SYTL3: variants seen among roughly 807,000 people sequenced by gnomAD.
SYTL3 encodes synaptotagmin-like protein 3.
Under a neutral mutation model 82.1 loss-of-function variants are expected in SYTL3, and 88 were observed. The observed-to-expected ratio is 1.07, with a 90% CI of 0.90 to 1.28. The LOEUF (loss-of-function observed/expected upper bound fraction) is 1.28, where lower values mean the gene tolerates loss of function less well. SYTL3 is among the 50% of genes most tolerant of loss of function. SYTL3 has a pLI of 0.00. For missense variants in SYTL3, 831 were observed against 757.6 expected (o/e 1.10, Z -1.14); for synonymous variants, 311 against 289.4 (o/e 1.07, Z -0.76).
rs55657606 is a variant in SYTL3 at position 158,727,689 on chromosome 6, C to CTTTTT, written c.855+2060_855+2064dup. On this transcript the variant is annotated intron_variant, in intron 11 of 17. Transcript: ENST00000611299. The stretch of plus-strand genomic sequence containing the variant: ...CATGTGCGTGTCTCATCCAAGTACT[C>CTTTTT]TTTTTTTTTTTTGAGATGAAGTCTC... Among the ~76,000 whole-genome samples the CTTTTT allele has an allele frequency of 1.6e-4, 17 of 106,712 alleles. 2 individuals carry two copies. The South Asian group carries it at 2.3e-3, about 14-fold the overall frequency. 70.0% of individuals were successfully genotyped at this position (106,712 alleles called of 152,430 possible).
rs751441226 is a variant in SYTL3 at position 158,665,606 on chromosome 6, G to A, written c.322G>A (p.Glu108Lys). Residue 108 changes from glutamate (E) to lysine (K), a missense_variant, in exon 5 of 18, where the codon GAG becomes AAG. Glu to Lys is a moderately conservative substitution (Grantham distance 56). Transcript: ENST00000611299. ...TGCCTGGAAGTGCACGGTGTGCTTC[G>A]AGGACAGGTAAGCATGGCCGGTGGT... Reference protein sequence around the residue: ...THAWKCTVCFEDRNVKIKTGE... With the variant: ...THAWKCTVCFKDRNVKIKTGE... 1.0e-5 allele frequency: 16 copies of A among 1,559,174 alleles called. No homozygotes were observed. The highest frequency in any genetic ancestry group is 2.3e-5 in the East Asian group (1 of 42,928).
chr6:158,722,328 AT>A (rs1279279707), intron 10 of SYTL3, among the ~76,000 whole-genome samples: 1 of 151,890 alleles, frequency 6.6e-6, no homozygotes, highest in African/African-American at 2.4e-5. Flanking sequence ...TGCCCAGCTA[AT>A]TTTTGTATTT....
intron 5 of SYTL3, among the ~76,000 whole-genome samples, chr6:158,668,354 A>G (rs1437180374): frequency 6.6e-6 from 1 of 152,070 alleles, no homozygotes; most frequent in African/African-American, 2.4e-5. Flanking sequence ...TCAGCCTCCC[A>G]AGTAGCTGGG....
intron 2 of SYTL3, among the ~76,000 whole-genome samples, chr6:158,654,017 A>G (rs1260557630): frequency 6.6e-6 from 1 of 151,888 alleles, no homozygotes; most frequent in Non-Finnish European, 1.5e-5. Flanking sequence ...TTCCCCTTTC[A>G]CCAGATTTAG....
rs941120099 is a variant in SYTL3, at chr6:158,763,963, C to T, written c.1723+454C>T. Among the ~76,000 whole-genome samples, 9 of 151,974 alleles carry T rather than the reference C, an allele frequency of 5.9e-5. No individual in the cohort carries two copies. In the South Asian group the frequency reaches 1.9e-3, roughly 31 times the overall value. The stretch of plus-strand genomic sequence containing the variant: ...CTGTGAGGTTCTGTGCCTGGCACTG[C>T]TTCTGGCTGCCAGCAGTGTCCCTGA... On this transcript the variant is annotated intron_variant, in intron 17 of 17. Coordinates refer to ENST00000611299, the MANE Select transcript of SYTL3 (RefSeq NM_001242394.2).
intron 6 of SYTL3, among the ~76,000 whole-genome samples, chr6:158,705,358 G>A (rs1781927137): frequency 7.3e-6 from 1 of 137,730 alleles, no homozygotes; most frequent in East Asian, 2.2e-4. Context: ...GGCCACATAG[G>A]GCAGGAGGGA....
chr6:158,654,194 G>T (rs1391305430), intron 2 of SYTL3, among the ~76,000 whole-genome samples: 1 of 152,176 alleles, frequency 6.6e-6, no homozygotes, highest in Non-Finnish European at 1.5e-5. Context: ...TGTGTGGAGT[G>T]ACTCTTGCCT....
In SYTL3 at chr6:158,725,587, C is replaced by A. The variant is rs1221674261; in HGVS notation, c.805C>A (p.Leu269Ile). 1 of 1,614,090 alleles carries A rather than the reference C, an allele frequency of 6.2e-7. No individual in the cohort carries two copies. Among genetic ancestry groups the A allele is most frequent in the South Asian group, 1.1e-5 (1 of 91,086 alleles). The change falls in exon 11 of 18, where the codon CTC becomes ATC. Residue 269 changes from leucine (L) to isoleucine (I), a missense_variant. Leu to Ile is a conservative substitution (Grantham distance 5). Transcript: ENST00000611299. ...STNPILKQQN[L>I]PSSPAPSTIF... Reference sequence around the variant, plus strand: ...TAACCCTATTTTGAAGCAACAGAATCTCCCATCCAGTCCGGCACCCAGTAC... The same window carrying A: ...TAACCCTATTTTGAAGCAACAGAATATCCCATCCAGTCCGGCACCCAGTAC...
intron 5 of SYTL3, among the ~76,000 whole-genome samples, chr6:158,674,015 T>A (rs974364450): frequency 3.3e-5 from 5 of 150,266 alleles, no homozygotes; most frequent in Non-Finnish European, 7.4e-5. Flanking sequence ...ACCTGAGAGT[T>A]GGAGGTTGCA....
chr6:158,742,491 A>G (rs894547948), intron 11 of SYTL3, among the ~76,000 whole-genome samples: 1 of 151,664 alleles, frequency 6.6e-6, no homozygotes, highest in African/African-American at 2.4e-5. Flanking sequence ...AGGTCTGGAT[A>G]TTTACCAAGC....
chr6:158,699,442 A>G (rs1780918368), intron 6 of SYTL3, among the ~76,000 whole-genome samples: 1 of 152,152 alleles, frequency 6.6e-6, no homozygotes, highest in Non-Finnish European at 1.5e-5. Flanking sequence ...CTTCATCCCT[A>G]TTATTTCTAG....
chr6:158,667,574 A>G (rs967085183), intron 5 of SYTL3, among the ~76,000 whole-genome samples: 4 of 152,186 alleles, frequency 2.6e-5, no homozygotes, highest in African/African-American at 9.7e-5. Flanking sequence ...AATCTTTGAC[A>G]TTCATAACTG....
intron 10 of SYTL3, among the ~76,000 whole-genome samples, chr6:158,718,459 T>C (rs1456024293): frequency 6.6e-6 from 1 of 152,222 alleles, no homozygotes; most frequent in Non-Finnish European, 1.5e-5. Context: ...CACAAGCCCC[T>C]GAGGCTCCTC....
chr6:158,758,196 T>C (rs965150887), intron 14 of SYTL3, among the ~76,000 whole-genome samples: 2 of 152,046 alleles, frequency 1.3e-5, no homozygotes, highest in Non-Finnish European at 2.9e-5. Flanking sequence ...ATCCCAGCAC[T>C]TTGGGAGGCC....
At chr6:158,689,558 G>T (rs115734427) in intron 6 of SYTL3, among the ~76,000 whole-genome samples, 7 of 151,660 alleles carry the variant, frequency 4.6e-5, no homozygotes, top group African/African-American at 1.7e-4. Flanking sequence ...TCCTTTTCCC[G>T]TATAATTTCT....
At chr6:158,650,981 G>A (rs1462496439) in intron 1 of SYTL3, among the ~76,000 whole-genome samples, 1 of 152,018 alleles carries the variant, frequency 6.6e-6, no homozygotes, top group Non-Finnish European at 1.5e-5. Flanking sequence ...TAGAATTGGT[G>A]TAGAAAAGAT....
intron 11 of SYTL3, among the ~76,000 whole-genome samples, chr6:158,733,578 C>T (rs544632209): frequency 3.3e-5 from 5 of 151,952 alleles, no homozygotes; most frequent in African/African-American, 7.2e-5. Context: ...CCGCCCTCCT[C>T]GGCCTCCCAA....
chr6:158,717,079 C>T (rs1057491430), intron 9 of SYTL3, among the ~76,000 whole-genome samples: 4 of 152,084 alleles, frequency 2.6e-5, no homozygotes, highest in Admixed American at 6.6e-5. Context: ...CTCAGGAGTT[C>T]GAGACCAGCC....
intron 6 of SYTL3, among the ~76,000 whole-genome samples, chr6:158,703,946 C>T (rs776952930): frequency 4.6e-5 from 7 of 151,202 alleles, no homozygotes; most frequent in Non-Finnish European, 7.4e-5. Context: ...TTCAGCCTCC[C>T]GAGTAGCTGC....
Sources: allele counts gnomAD v4.1 joint callset (sites outside exome capture counted in the v4.1 genomes callset), GRCh38; gene constraint gnomAD v4.1.1; transcripts MANE v1.5; gene names NCBI Gene and HGNC (gene_info 2026-07-23, HGNC 2026-07-21).